The following TRRAP variants were observed in gnomAD, a reference collection of about 807,000 sequenced individuals.
TRRAP encodes the protein transformation/transcription domain-associated protein.
In TRRAP, 41 loss-of-function variants were observed where a neutral mutation model predicts 438.8. That is an observed-to-expected ratio of 0.09 (90% confidence interval 0.07 to 0.12). The LOEUF (loss-of-function observed/expected upper bound fraction) is 0.12, where lower values mean the gene tolerates loss of function less well. Among genes scored for constraint, TRRAP ranks in the 10% least tolerant of loss-of-function variants. TRRAP has a pLI of 1.00. For missense variants in TRRAP, 3,122 were observed against 5,055.1 expected (o/e 0.62, Z 11.60); for synonymous variants, 1,994 against 1,962.9 (o/e 1.02, Z -0.42).
intron 27 of TRRAP, among the ~76,000 whole-genome samples, chr7:98,934,368 T>C (rs1584330290): frequency 2.0e-5 from 3 of 152,364 alleles, no homozygotes; most frequent in East Asian, 3.9e-4. Flanking sequence ...CTTGGACATA[T>C]GGTTATAGGA....
At chr7:98,905,086 A>G (rs947363884) in intron 12 of TRRAP, among the ~76,000 whole-genome samples, 65 of 151,254 alleles carry the variant, frequency 4.3e-4, no homozygotes, top group African/African-American at 1.6e-3. Context: ...ATCTCCTATC[A>G]CTCCTCCCTC....
chr7:98,988,184 A>G (rs1178288990), intron 62 of TRRAP, among the ~76,000 whole-genome samples: 2 of 152,178 alleles, frequency 1.3e-5, no homozygotes, highest in Non-Finnish European at 2.9e-5. Context: ...CTGGTGTAAT[A>G]GTGAAGCGGT....
chr7:98,997,599 T>C (rs146467168), intron 67 of TRRAP, among the ~76,000 whole-genome samples: 3 of 151,252 alleles, frequency 2.0e-5, no homozygotes, highest in African/African-American at 7.3e-5. Flanking sequence ...TACAGTGGTA[T>C]AGACAGGCTC....
At chr7:98,887,067 G>C (rs1371996496) in intron 3 of TRRAP, among the ~76,000 whole-genome samples, 1 of 152,038 alleles carries the variant, frequency 6.6e-6, no homozygotes, top group Non-Finnish European at 1.5e-5. Context: ...TGCTCAGCTT[G>C]AGTGAATCTT....
intron 20 of TRRAP, among the ~76,000 whole-genome samples, chr7:98,919,612 A>G (rs1789690601): frequency 6.6e-6 from 1 of 152,212 alleles, no homozygotes; most frequent in Non-Finnish European, 1.5e-5. Context: ...AAAAAAAACC[A>G]AAAGATAAAG....
chr7:98,967,941 T>C (rs1244500527), intron 51 of TRRAP, among the ~76,000 whole-genome samples: 1 of 152,220 alleles, frequency 6.6e-6, no homozygotes, highest in African/African-American at 2.4e-5. Flanking sequence ...TGAAGATTCA[T>C]TTTTTCTTCA....
At chr7:98,988,668 G>C in intron 62 of TRRAP, 97 bp from the exon 63 acceptor site, 1 of 1,396,500 alleles carries the variant, frequency 7.2e-7, no homozygotes, top group Non-Finnish European at 9.7e-7. Flanking sequence ...TGGACCAAAT[G>C]CCCCGCAGTG....
rs1008416611 is a variant in TRRAP, at chr7:99,012,749, C to T, written c.*394C>T. 3 of 203,208 alleles carry T rather than the reference C, an allele frequency of 1.5e-5. No individual in the cohort carries two copies. The highest frequency in any genetic ancestry group is 1.3e-4 in the East Asian group (1 of 7,794). 12.6% of individuals were successfully genotyped at this position (203,208 alleles called of 1,614,324 possible). On this transcript the variant is annotated 3_prime_UTR_variant, in exon 73 of 73. Coordinates refer to ENST00000456197, the MANE Select transcript of TRRAP (RefSeq NM_001375524.1). The surrounding 1 kb of genome is among the most constrained non-coding windows in gnomAD (Gnocchi z 5.9). ...TTTAACTCTTTCGGAAATAACACCTCACAGCAGCTTCGTGCTTTTGTACAG... is the reference window on the plus strand; with the variant it reads ...TTTAACTCTTTCGGAAATAACACCTTACAGCAGCTTCGTGCTTTTGTACAG...
At position 99,011,249 on chromosome 7, in the gene TRRAP, C is replaced by T. The variant is rs774337437; in HGVS notation, c.11136C>T (p.Ile3712=). ...GACTCAACCCCGAGATGTTACAGATCGCTCAGGTAACCTGCTTTGAACAGC... is the reference window on the plus strand; with the variant it reads ...GACTCAACCCCGAGATGTTACAGATTGCTCAGGTAACCTGCTTTGAACAGC... ...LNRLNPEMLQ[I]AQDTGKLNVA... The change falls in exon 71 of 73, where the codon ATC becomes ATT. Residue 3712 remains isoleucine (I), a synonymous_variant. Coordinates refer to ENST00000456197, the MANE Select transcript of TRRAP (RefSeq NM_001375524.1). This position sits in a 1 kb window ranked among gnomAD's most constrained non-coding sequence, Gnocchi z 7.1. 3.7e-6 allele frequency: 6 copies of T among 1,614,090 alleles called. No individual in the cohort carries two copies. The African/African-American group carries it at 4.0e-5, about 11-fold the overall frequency.
chr7:98,959,127 C>T (rs1029016769), intron 44 of TRRAP, among the ~76,000 whole-genome samples: 3 of 151,934 alleles, frequency 2.0e-5, no homozygotes, highest in East Asian at 1.9e-4. Context: ...CAGGTCACCA[C>T]GGATGCGCTG....
intron 30 of TRRAP, among the ~76,000 whole-genome samples, chr7:98,942,519 A>G (rs906079933): frequency 2.0e-5 from 3 of 152,236 alleles, no homozygotes; most frequent in African/African-American, 7.2e-5. Context: ...AGCTACACAC[A>G]GCAGGCACCT....
At chr7:98,965,135 CGTGTGCATGT>C (rs1375373098) in intron 48 of TRRAP, among the ~76,000 whole-genome samples, 1 of 152,200 alleles carries the variant, frequency 6.6e-6, no homozygotes, top group African/African-American at 2.4e-5. Flanking sequence ...CGTGTGCATG[CGTGTGCATGT>C]GCACACACAC....
rs1554419719 is a variant in TRRAP, at chr7:98,956,168, A to G, written c.5960A>G (p.His1987Arg). The G allele has an allele frequency of 6.2e-7, 1 of 1,612,438 alleles. No homozygotes were observed. Among genetic ancestry groups the G allele is most frequent in the Non-Finnish European group, 8.5e-7 (1 of 1,179,928 alleles). ...HFKVYYPVRH[H>R]LVQHMVSAMQ... Reference sequence around the variant, plus strand: ...CAGGTGTACTACCCGGTACGGCACCACTTGGTGCAGCACATGGTGAGCGCC... The same window carrying G: ...CAGGTGTACTACCCGGTACGGCACCGCTTGGTGCAGCACATGGTGAGCGCC... The change falls in exon 42 of 73, where the codon CAC becomes CGC. Residue 1987 changes from histidine (H) to arginine (R), a missense_variant. Physicochemically the swap from His to Arg is conservative, Grantham distance 29. Coordinates refer to ENST00000456197, the MANE Select transcript of TRRAP (RefSeq NM_001375524.1). The surrounding 1 kb of genome is among the most constrained non-coding windows in gnomAD (Gnocchi z 4.5).
At position 98,951,455 on chromosome 7, in the gene TRRAP, C is replaced by T. The variant is rs183442610; in HGVS notation, c.5463+451C>T. ...CCAGTGAATGAAACCCTGTGGTGGC[C>T]GTAGTCCAGTCTGAAATGAGCTCGG... On this transcript the variant is annotated intron_variant, in intron 39 of 72. Transcript: ENST00000456197. Among the ~76,000 whole-genome samples, 8 of 152,282 alleles carry T rather than the reference C, an allele frequency of 5.3e-5. No individual in the cohort carries two copies. The East Asian group carries it at 1.5e-3, about 29-fold the overall frequency.
chr7:98,946,001 T>A, intron 33 of TRRAP, 51 bp downstream of exon 33: 4 of 1,395,748 alleles, frequency 2.9e-6, no homozygotes, highest in Non-Finnish European at 3.7e-6. Flanking sequence ...TTGCTGGTTT[T>A]GCTGTGACTC....
chr7:98,946,575 C>T (rs375799722), intron 33 of TRRAP, among the ~76,000 whole-genome samples: 50 of 146,332 alleles, frequency 3.4e-4, no homozygotes, highest in South Asian at 1.1e-3. Flanking sequence ...ACACCACACG[C>T]GCACACACCA....
chr7:98,992,146 G>T lies in TRRAP; in HGVS notation c.9766G>T (p.Val3256Leu), dbSNP rs762288980. The T allele has an allele frequency of 5.0e-6, 8 of 1,614,184 alleles. No homozygotes were observed. Among genetic ancestry groups the T allele is most frequent in the Non-Finnish European group, 5.9e-6 (7 of 1,180,018 alleles). ...LLNLISQVGR[V>L]YPQAVYFPIR... Reference sequence around the variant, plus strand: ...TCTTGTCTCTGAGCAGGTTGGACGCGTGTATCCCCAAGCGGTCTACTTTCC... The same window carrying T: ...TCTTGTCTCTGAGCAGGTTGGACGCTTGTATCCCCAAGCGGTCTACTTTCC... The change falls in exon 65 of 73, where the codon GTG becomes TTG. Residue 3256 changes from valine (V) to leucine (L), a missense_variant. Val to Leu is a conservative substitution (Grantham distance 32). Around this residue, in one of 24 missense-constraint regions of TRRAP, gnomAD observed 107 missense variants for 327.5 expected, o/e 0.33. Transcript: ENST00000456197.
rs776840528 is a variant in TRRAP at position 98,961,394 on chromosome 7, T to C, written c.6623T>C (p.Met2208Thr). Residue 2208 changes from methionine to threonine, a missense_variant, in exon 46 of 73, where the codon ATG becomes ACG. Coordinates refer to ENST00000456197, the MANE Select transcript of TRRAP (RefSeq NM_001375524.1). ...CTGCAGCGTGGAATTGCCGCCTGCA[T>C]GACATGTGGAAACACCAAGGTGTTG... Reference protein sequence around the residue: ...KPLQRGIAACMTCGNTKVLRA... With the variant: ...KPLQRGIAACTTCGNTKVLRA... 6.2e-7 allele frequency: 1 copy of C among 1,614,224 alleles called. No individual in the cohort carries two copies. The highest frequency in any genetic ancestry group is 2.2e-5 in the East Asian group (1 of 44,884).
At chr7:98,906,957 G>A (rs782326113) in intron 13 of TRRAP, among the ~76,000 whole-genome samples, 2 of 151,898 alleles carry the variant, frequency 1.3e-5, no homozygotes, top group Non-Finnish European at 1.5e-5. Context: ...CCTGCACAGG[G>A]AGATGGAGTA....
Sources: gnomAD v4.1 joint callset for allele counts (sites outside exome capture counted in the v4.1 genomes callset) on GRCh38, gnomAD v4.1.1 for gene constraint, gnomAD v4.1.1 regional missense constraint, Gnocchi (gnomAD v3.1) non-coding constraint, MANE v1.5 for transcripts, NCBI Gene and HGNC (gene_info 2026-07-23, HGNC 2026-07-21) for gene names.